The following TIMELESS variants were observed in gnomAD, a reference collection of about 807,000 sequenced individuals.
The protein encoded by TIMELESS is timeless circadian regulator, also known as protein timeless homolog.
In TIMELESS, 124 loss-of-function variants were observed where a neutral mutation model predicts 164.3. The observed-to-expected ratio is 0.75, with a 90% CI of 0.65 to 0.88. The LOEUF (loss-of-function observed/expected upper bound fraction) is 0.88. TIMELESS is among the 40% of genes least tolerant of loss of function. The pLI, the probability that TIMELESS is intolerant of heterozygous loss-of-function variation, is 0.00. For synonymous variants in TIMELESS, 564 were observed against 563.4 expected, an observed-to-expected ratio of 1.00 and a Z score of -0.02; for missense variants, 1,422 against 1,491.4, an observed-to-expected ratio of 0.95 and a Z score of 0.77.
intron 1 of TIMELESS, among the ~76,000 whole-genome samples, chr12:56,440,718 T>G (rs1272041152): frequency 6.6e-6 from 1 of 152,210 alleles, no homozygotes; most frequent in East Asian, 1.9e-4. Flanking sequence ...ACCTTGGTCT[T>G]CAGACCACTG....
chr12:56,420,709 T>TA, intron 25 of TIMELESS, 22 bp from the exon 26 acceptor site: 2 of 1,613,798 alleles, frequency 1.2e-6, no homozygotes, highest in Middle Eastern at 3.3e-4. Flanking sequence ...TCAATAGTCA[T>TA]ATGGTGAAGA....
chr12:56,420,029 A>AAAAAATATATATATATATAT (rs1555176447), intron 26 of TIMELESS, among the ~76,000 whole-genome samples: 1 of 75,184 alleles, frequency 1.3e-5, no homozygotes, highest in African/African-American at 6.7e-5. Flanking sequence ...AAAAAAAAAA[A>AAAAAATATATATATATATAT]ATATATATAT....
intron 1 of TIMELESS, among the ~76,000 whole-genome samples, chr12:56,445,981 C>T (rs916301332): frequency 1.3e-5 from 2 of 152,142 alleles, no homozygotes; most frequent in East Asian, 1.9e-4. Flanking sequence ...TCACAGCTCC[C>T]GGCAGCCTCA....
chr12:56,422,491 C>A (rs1049832408), intron 19 of TIMELESS, among the ~76,000 whole-genome samples: 3 of 152,178 alleles, frequency 2.0e-5, no homozygotes, highest in African/African-American at 7.2e-5. Flanking sequence ...GGCTGAGATA[C>A]TAAGGGAAAG....
intron 26 of TIMELESS, among the ~76,000 whole-genome samples, chr12:56,418,798 C>A: frequency 6.6e-6 from 1 of 151,798 alleles, no homozygotes; most frequent in Admixed American, 6.6e-5. Flanking sequence ...CCAGGCCAGT[C>A]TCAAACGATC....
rs1236086188 is a variant in TIMELESS, at chr12:56,428,319, G to A, written c.1495C>T (p.Leu499Phe). The A allele has an allele frequency of 1.9e-6, 3 of 1,613,708 alleles. No homozygotes were observed. Among genetic ancestry groups the A allele is most frequent in the Non-Finnish European group, 2.5e-6 (3 of 1,179,704 alleles). ...FDERCQPRSF[L>F]RDLVETTHLF... ...TGGGTGGTCTCCACCAGGTCACGAA[G>A]GAAAGAGCGGGGCTGGCATCTCTCA... The change falls in exon 13 of 29, where the codon CTT (leucine) becomes TTT (phenylalanine). Residue 499 changes from leucine to phenylalanine, a missense_variant. Coordinates refer to ENST00000553532, the MANE Select transcript of TIMELESS (RefSeq NM_003920.5).
rs372956685 is a variant in TIMELESS, at chr12:56,432,432, C to T, written c.624G>A (p.Ser208=). 46 of 1,614,062 alleles carry T rather than the reference C, an allele frequency of 2.8e-5. No individual in the cohort carries two copies. Among genetic ancestry groups the T allele is most frequent in the Middle Eastern group, 1.6e-4 (1 of 6,082 alleles). The change falls in exon 7 of 29, where the codon TCG becomes TCA. Residue 208 remains serine, a synonymous_variant. Coordinates refer to ENST00000553532, the MANE Select transcript of TIMELESS (RefSeq NM_003920.5). Reference sequence around the variant, plus strand: ...GTAGGCTCCATTGCTCCTCAGCAGACGAGCTGGCCAGAAAGAGGAGCAGGT... The same window carrying T: ...GTAGGCTCCATTGCTCCTCAGCAGATGAGCTGGCCAGAAAGAGGAGCAGGT... ...LDDLLLFLAS[S]SAEEQWSLHV...
chr12:56,432,240 A>C (rs1375025995), intron 7 of TIMELESS, 129 bp downstream of exon 7: 2 of 1,138,292 alleles, frequency 1.8e-6, no homozygotes, highest in Middle Eastern at 2.4e-4. Context: ...TACTGAACTC[A>C]AGACATGGCT....
At chr12:56,445,422 CAAAAAAAA>C (rs71081360) in intron 1 of TIMELESS, among the ~76,000 whole-genome samples, 17 of 18,744 alleles carry the variant, frequency 9.1e-4, no homozygotes, top group Non-Finnish European at 1.8e-3. Context: ...AACTCCACGT[CAAAAAAAA>C]AAAAAAAAAA....
chr12:56,420,048 A>ATATATATATGTGTGTGTGTG (rs1473074484), intron 26 of TIMELESS, among the ~76,000 whole-genome samples: 2 of 87,344 alleles, frequency 2.3e-5, no homozygotes, highest in African/African-American at 1.0e-4. Flanking sequence ...ATATATATAT[A>ATATATATATGTGTGTGTGTG]TGTGTGTGTG....
chr12:56,421,175 A>G, intron 23 of TIMELESS, 41 bp from the exon 24 acceptor site: 2 of 1,612,246 alleles, frequency 1.2e-6, no homozygotes, highest in East Asian at 2.2e-5. Context: ...AATGAAGGCA[A>G]CACAAGGAAC....
Position 56,424,873 on chromosome 12 carries a change from G to T in TIMELESS, c.1757C>A (p.Ala586Glu). ...LSMDSVVPFD[A>E]ASEVPVEEQR... The stretch of plus-strand genomic sequence containing the variant: ...CTCCTCCACTGGCACCTCTGAGGCC[G>T]CATCAAAGGGAACCACGGAGTCCAT... Residue 586 changes from alanine (A) to glutamate (E), a missense_variant, in exon 15 of 29, where the codon GCG becomes GAG. Physicochemically the swap from Ala to Glu is moderately radical, Grantham distance 107. Transcript: ENST00000553532. 1 of 1,614,202 alleles carries T rather than the reference G, an allele frequency of 6.2e-7. No homozygotes were observed. Among genetic ancestry groups the T allele is most frequent in the South Asian group, 1.1e-5 (1 of 91,086 alleles).
chr12:56,425,493 C>G (rs991347687), intron 13 of TIMELESS, among the ~76,000 whole-genome samples: 4 of 152,180 alleles, frequency 2.6e-5, no homozygotes, highest in Non-Finnish European at 5.9e-5. Context: ...ACAGAATAAG[C>G]AGATGCTATG....
chr12:56,443,551 C>T (rs1158794890), intron 1 of TIMELESS, among the ~76,000 whole-genome samples: 3 of 152,182 alleles, frequency 2.0e-5, no homozygotes, highest in East Asian at 3.9e-4. Context: ...TGATCCTGCT[C>T]TGCCCTTTTG....
At chr12:56,427,092 G>A (rs1290215146) in intron 13 of TIMELESS, among the ~76,000 whole-genome samples, 1 of 152,086 alleles carries the variant, frequency 6.6e-6, no homozygotes, top group Non-Finnish European at 1.5e-5. Flanking sequence ...GAGCAGCTGG[G>A]ACTACAGGTA....
At chr12:56,427,971 C>T (rs1357338524) in intron 13 of TIMELESS, among the ~76,000 whole-genome samples, 1 of 152,192 alleles carries the variant, frequency 6.6e-6, no homozygotes, top group Non-Finnish European at 1.5e-5. Context: ...TATGAATCCC[C>T]AGGGTTTTTG....
chr12:56,423,670 T>C lies in TIMELESS; in HGVS notation c.2004A>G (p.Glu668=), dbSNP rs778009922. 6.2e-7 allele frequency: 1 copy of C among 1,613,980 alleles called. No individual in the cohort carries two copies. The highest frequency in any genetic ancestry group is 8.5e-7 in the Non-Finnish European group (1 of 1,179,932). ...QGPEERGAEE[E]EEEEEEEEEE... Reference sequence around the variant, plus strand: ...CCTCTTCCTCCTCCTCCTCCTCTTCTTCTTCCTCTGCCCCACGTTCCTCTG... The same window carrying C: ...CCTCTTCCTCCTCCTCCTCCTCTTCCTCTTCCTCTGCCCCACGTTCCTCTG... Residue 668 remains glutamate (E), a synonymous_variant, in exon 17 of 29, where the codon GAA becomes GAG. Transcript: ENST00000553532.
chr12:56,430,195 G>A lies in TIMELESS; in HGVS notation c.996C>T (p.Arg332=). 1 of 1,614,126 alleles carries A rather than the reference G, an allele frequency of 6.2e-7. No individual in the cohort carries two copies. The highest frequency in any genetic ancestry group is 8.5e-7 in the Non-Finnish European group (1 of 1,180,022). ...AGAGCCTCACATTGAGGGCAGAACG[G>A]CGCTGAATGGACAGCTCTCGGGCGG... ...RQAARELSIQ[R]RSALNVRLFL... is the part of the protein sequence containing the mutation. The change falls in exon 10 of 29, where the codon CGC becomes CGT. Residue 332 remains arginine, a synonymous_variant. Transcript: ENST00000553532.
intron 26 of TIMELESS, among the ~76,000 whole-genome samples, chr12:56,419,142 C>T (rs1051454112): frequency 6.6e-6 from 1 of 152,150 alleles, no homozygotes; most frequent in African/African-American, 2.4e-5. Flanking sequence ...CAGGTGCCTA[C>T]CACCACACCG....
Sources: gnomAD v4.1 joint callset for allele counts (sites outside exome capture counted in the v4.1 genomes callset) on GRCh38, gnomAD v4.1.1 for gene constraint, MANE v1.5 for transcripts, NCBI Gene and HGNC (gene_info 2026-07-23, HGNC 2026-07-21) for gene names.